Variants in MAP3K7CL observed in about 807,000 individuals in gnomAD.
The protein encoded by MAP3K7CL is MAP3K7 C-terminal like, also known as MAP3K7 C-terminal-like protein.
In MAP3K7CL, 16 loss-of-function variants were observed where a neutral mutation model predicts 18.6. The ratio of observed to expected loss-of-function variants is 0.86; its 90% CI spans 0.58 to 1.31. The LOEUF (loss-of-function observed/expected upper bound fraction) is 1.31, where lower values mean the gene tolerates loss of function less well. Ranked by LOEUF, MAP3K7CL falls within the 50% of genes most tolerant of loss-of-function variation. The probability of loss-of-function intolerance (pLI) is 0.00; values close to 1 mark genes in which losing one functional copy is unlikely to be tolerated. For synonymous variants in MAP3K7CL, 65 were observed against 66.8 expected (o/e 0.97, Z 0.13); for missense variants, 163 against 174.4 (o/e 0.93, Z 0.37).
chr21:29,163,833 C>T (rs761710030), intron 4 of MAP3K7CL, among the ~76,000 whole-genome samples: 21 of 151,864 alleles, frequency 1.4e-4, no homozygotes, highest in South Asian at 4.2e-4. Flanking sequence ...ATAGCTGGGA[C>T]GACAGGTGCA....
chr21:29,165,301 G>C (rs2087657868), intron 4 of MAP3K7CL, among the ~76,000 whole-genome samples: 1 of 152,138 alleles, frequency 6.6e-6, no homozygotes, highest in African/African-American at 2.4e-5. Flanking sequence ...AGAAAAGTCA[G>C]ATTGAAGAAT....
upstream of MAP3K7CL, among the ~76,000 whole-genome samples, chr21:29,128,903 A>G (rs2086728605): frequency 6.6e-6 from 1 of 152,214 alleles, no homozygotes; most frequent in Non-Finnish European, 1.5e-5. Flanking sequence ...TTAAAACAGT[A>G]ATATTAATTC....
intron 4 of MAP3K7CL, among the ~76,000 whole-genome samples, chr21:29,174,175 C>A (rs2087910205): frequency 6.6e-6 from 1 of 152,078 alleles, no homozygotes; most frequent in South Asian, 2.1e-4. Context: ...ATTTGGGCTG[C>A]AATATATATG....
intron 1 of MAP3K7CL, among the ~76,000 whole-genome samples, chr21:29,090,670 C>G (rs757910525): frequency 6.6e-6 from 1 of 152,108 alleles, no homozygotes; most frequent in Non-Finnish European, 1.5e-5. Flanking sequence ...TGAGCCACCG[C>G]GCCCGGCAGC....
intron 4 of MAP3K7CL, among the ~76,000 whole-genome samples, chr21:29,124,576 A>G (rs1374381101): frequency 6.6e-6 from 1 of 152,230 alleles, no homozygotes; most frequent in African/African-American, 2.4e-5. Flanking sequence ...GAGTTAGTCC[A>G]TGCTTGCTTG....
chr21:29,112,373 A>G (rs2086433804), intron 4 of MAP3K7CL, among the ~76,000 whole-genome samples: 1 of 151,900 alleles, frequency 6.6e-6, no homozygotes, highest in South Asian at 2.1e-4. Flanking sequence ...AATTAGATGC[A>G]CTCTTCAATC....
intron 2 of MAP3K7CL, among the ~76,000 whole-genome samples, chr21:29,134,686 A>G (rs2086846045): frequency 6.6e-6 from 1 of 152,248 alleles, no homozygotes; most frequent in Non-Finnish European, 1.5e-5. Context: ...CCCAACATAG[A>G]AATGACAACT....
At chr21:29,087,242 C>T (rs1219415754) in intron 1 of MAP3K7CL, among the ~76,000 whole-genome samples, 2 of 152,190 alleles carry the variant, frequency 1.3e-5, no homozygotes, top group Non-Finnish European at 2.9e-5. Flanking sequence ...CTTGACAACT[C>T]TGTCTTCAGG....
chr21:29,151,416 G>T (rs2146694194), intron 3 of MAP3K7CL, among the ~76,000 whole-genome samples: 1 of 152,116 alleles, frequency 6.6e-6, no homozygotes, highest in South Asian at 2.1e-4. Context: ...CAAGGTTGCT[G>T]TGAGCCAAGA....
intron 4 of MAP3K7CL, among the ~76,000 whole-genome samples, chr21:29,119,441 G>A (rs2086556600): frequency 6.6e-6 from 1 of 152,072 alleles, no homozygotes. Context: ...TCCTAATGGA[G>A]CCATTCTTGT....
chr21:29,159,091 T>G (rs777283735), intron 3 of MAP3K7CL, among the ~76,000 whole-genome samples: 3 of 152,170 alleles, frequency 2.0e-5, no homozygotes, highest in Non-Finnish European at 4.4e-5. Context: ...TGGCAAATTT[T>G]TGTATTTTTA....
chr21:29,091,354 T>A, intron 1 of MAP3K7CL: 2 of 528,172 alleles, frequency 3.8e-6, no homozygotes, highest in South Asian at 2.6e-5. Context: ...TTTTAAAAAA[T>A]AGAATGTTTT....
upstream of MAP3K7CL, chr21:29,130,479 T>C (rs1172028683): frequency 2.3e-5 from 11 of 476,500 alleles, no homozygotes; most frequent in South Asian, 3.6e-4. Context: ...CAGACACCGA[T>C]TGGGTCACGC....
chr21:29,108,426 T>C lies in MAP3K7CL; in HGVS notation c.370+15845T>C, dbSNP rs572792056. Among the ~76,000 whole-genome samples the C allele has an allele frequency of 6.6e-5, 10 of 152,302 alleles. No homozygotes were observed. The South Asian group carries it at 2.1e-3, about 32-fold the overall frequency. ...AATTCCTGTTGTTTAAGCCCTCTAA[T>C]TTATAGTATTTTCTTATGGCAGCCT... On this transcript the variant is annotated intron_variant, in intron 4 of 6. Coordinates refer to the MAP3K7CL transcript ENST00000286791.
upstream of MAP3K7CL, among the ~76,000 whole-genome samples, chr21:29,125,701 C>G (rs2086669812): frequency 6.6e-6 from 1 of 152,108 alleles, no homozygotes; most frequent in Non-Finnish European, 1.5e-5. Context: ...TTGCATTGCC[C>G]TACGAGAAGG....
intron 4 of MAP3K7CL, among the ~76,000 whole-genome samples, chr21:29,101,154 C>T (rs1052872666): frequency 2.6e-5 from 4 of 152,072 alleles, no homozygotes; most frequent in South Asian, 2.1e-4. Context: ...GGTGTGGCTT[C>T]GCTGGATACC....
chr21:29,133,023 A>G (rs1181098477), intron 1 of MAP3K7CL, among the ~76,000 whole-genome samples: 1 of 152,214 alleles, frequency 6.6e-6, no homozygotes, highest in Non-Finnish European at 1.5e-5. Context: ...TGGTCCGTGT[A>G]AAAAGATATT....
chr21:29,108,953 CA>C (rs1472631576), intron 4 of MAP3K7CL: 2 of 1,161,924 alleles, frequency 1.7e-6, no homozygotes, highest in Non-Finnish European at 2.4e-6. Context: ...GCTTTGGTTA[CA>C]GTCTTGAAGG....
Position 29,133,425 on chromosome 21 carries a change from C to T in MAP3K7CL, c.70+11C>T, listed in dbSNP as rs970920139. ...TCAATGACGCCTCAGGTATACTCTGCTCTGGAAGAAGGATTGTTTCCTTCA... is the reference window on the plus strand; with the variant it reads ...TCAATGACGCCTCAGGTATACTCTGTTCTGGAAGAAGGATTGTTTCCTTCA... On this transcript the variant is annotated intron_variant, in intron 2 of 4. Transcript: ENST00000399928. 3 of 1,519,840 alleles carry T rather than the reference C, an allele frequency of 2.0e-6. No individual in the cohort carries two copies. Among genetic ancestry groups the T allele is most frequent in the African/African-American group, 2.8e-5 (2 of 72,494 alleles). 94.1% of individuals were successfully genotyped at this position (1,519,840 alleles called of 1,614,324 possible). A position where few individuals can be genotyped will look rare whatever the true frequency, so the allele number is the denominator to read the frequency against.
Sources: gnomAD v4.1 joint callset for allele counts (sites outside exome capture counted in the v4.1 genomes callset) on GRCh38, gnomAD v4.1.1 for gene constraint, MANE v1.5 for transcripts, NCBI Gene and HGNC (gene_info 2026-07-23, HGNC 2026-07-21) for gene names.